Variants in C8orf58 observed in about 807,000 individuals in gnomAD.
C8orf58 encodes the protein chromosome 8 open reading frame 58, also known as uncharacterized protein C8orf58.
C8orf58 carries 31 observed loss-of-function variants against 36.8 expected under a neutral mutation model. The ratio of observed to expected loss-of-function variants is 0.84; its 90% CI spans 0.63 to 1.14. The LOEUF is 1.14. C8orf58 is among the 50% of genes most tolerant of loss of function. The pLI, the probability that C8orf58 is intolerant of heterozygous loss-of-function variation, is 0.00. For missense variants in C8orf58, 538 were observed against 480.8 expected (o/e 1.12, Z -1.11); for synonymous variants, 230 against 200.2 (o/e 1.15, Z -1.26).
In C8orf58 at chr8:22,602,529, C is replaced by A. The variant is rs755134177; in HGVS notation, c.880-8C>A. 3 of 1,610,750 alleles carry A rather than the reference C, an allele frequency of 1.9e-6. No homozygotes were observed. In the Admixed American group the frequency reaches 5.0e-5, roughly 27 times the overall value. On this transcript the variant is annotated splice_region_variant and splice_polypyrimidine_tract_variant and intron_variant, in intron 5 of 6. Transcript: ENST00000289989. ...AGGGCTCTGGGTGACCCCTCATCCTCTGCTCAGCGGGATATCTCCCACTGG... is the reference window on the plus strand; with the variant it reads ...AGGGCTCTGGGTGACCCCTCATCCTATGCTCAGCGGGATATCTCCCACTGG...
rs1171312800 is a variant in C8orf58, at chr8:22,601,726, G to T, written c.531G>T (p.Gly177=). The T allele has an allele frequency of 1.2e-6, 2 of 1,610,150 alleles. No individual in the cohort carries two copies. Among genetic ancestry groups the T allele is most frequent in the African/African-American group, 2.7e-5 (2 of 74,828 alleles). The change falls in exon 3 of 7, where the codon GGG becomes GGT. Residue 177 remains glycine (G), a synonymous_variant. Coordinates refer to ENST00000289989, the MANE Select transcript of C8orf58 (RefSeq NM_001013842.3). ...GLEEEAVGGL[G]PGAWACLPGQ... ...ATGTCCCACAGGTGGGGGGCCTGGG[G>T]CCTGGAGCCTGGGCCTGCCTCCCCG...
chr8:22,602,572 G>C lies in C8orf58; in HGVS notation c.915G>C (p.Leu305=), dbSNP rs779121265. The change falls in exon 6 of 7, where the codon CTG becomes CTC. Residue 305 remains leucine (L), a synonymous_variant. Transcript: ENST00000289989. ...CCCACTGGGACAAGGTCAAGGTCCT[G>C]CTCAACCGGATCTGCCGGAGAAGCC... The part of the protein sequence containing the change: ...DISHWDKVKV[L]LNRICRRSHH... 6.3e-7 allele frequency: 1 copy of C among 1,592,508 alleles called. No homozygotes were observed. Among genetic ancestry groups the C allele is most frequent in the South Asian group, 1.1e-5 (1 of 88,168 alleles).
rs893988751 is a variant in C8orf58 at position 22,600,016 on chromosome 8, C to T, written c.40+256C>T. On this transcript the variant is annotated intron_variant, in intron 1 of 6. Transcript: ENST00000289989. ...CCACTTCCTCCGGCTCCGCTTCCCT[C>T]GCCTTCCCGCTCCTTCTGAGGATGT... is the stretch of plus-strand genomic sequence containing the variant. 5.0e-5 allele frequency: 17 copies of T among 337,932 alleles called. No individual in the cohort carries two copies. In the East Asian group the frequency reaches 7.5e-4, roughly 15 times the overall value. The allele number at this position is 337,932 out of a possible 1,614,324, so 20.9% of individuals were successfully genotyped here.
chr8:22,601,542 G>C (rs112501739), intron 2 of C8orf58, among the ~76,000 whole-genome samples, 170 bp from the exon 3 acceptor site: 4 of 152,212 alleles, frequency 2.6e-5, no homozygotes, highest in Non-Finnish European at 5.9e-5. Flanking sequence ...GGGCAGCTAC[G>C]GGGGCCCTTC....
intron 1 of C8orf58, 23 bp downstream of exon 1, chr8:22,599,783 G>A (rs1800797275): frequency 1.7e-6 from 2 of 1,193,054 alleles, no homozygotes; most frequent in Non-Finnish European, 2.1e-6. Flanking sequence ...CCCCCAGGCT[G>A]GCCGGGCTCC....
At position 22,602,649 on chromosome 8, in the gene C8orf58, C is replaced by T. The variant is rs1331684107; in HGVS notation, c.986+6C>T. ...CCTGATGGCTCTGACCCCAGGTGAG[C>T]CCCGTGCCCAGCCCAGGTTAGGGCA... On this transcript the variant is annotated splice_donor_region_variant and intron_variant, in intron 6 of 6. Coordinates refer to ENST00000289989, the MANE Select transcript of C8orf58 (RefSeq NM_001013842.3). 2 of 1,517,710 alleles carry T rather than the reference C, an allele frequency of 1.3e-6. No individual in the cohort carries two copies. The highest frequency in any genetic ancestry group is 1.3e-5 in the South Asian group (1 of 78,314). 94.0% of individuals were successfully genotyped at this position (1,517,710 alleles called of 1,614,324 possible).
rs754339042 is a variant in C8orf58, at chr8:22,602,563, C to A, written c.906C>A (p.Val302=). The stretch of plus-strand genomic sequence containing the variant: ...GGGATATCTCCCACTGGGACAAGGT[C>A]AAGGTCCTGCTCAACCGGATCTGCC... ...HKRDISHWDK[V]KVLLNRICRR... The change falls in exon 6 of 7, where the codon GTC becomes GTA. Residue 302 remains valine, a synonymous_variant. Coordinates refer to ENST00000289989, the MANE Select transcript of C8orf58 (RefSeq NM_001013842.3). The A allele has an allele frequency of 1.2e-6, 2 of 1,601,410 alleles. No individual in the cohort carries two copies. The highest frequency in any genetic ancestry group is 4.5e-5 in the East Asian group (2 of 44,660).
chr8:22,599,777 C>G lies in C8orf58; in HGVS notation c.40+17C>G. ...ACGGCCGGGGTGAGTCACCCACCCCCAGGCTGGCCGGGCTCCCCCCTGCCC... is the reference window on the plus strand; with the variant it reads ...ACGGCCGGGGTGAGTCACCCACCCCGAGGCTGGCCGGGCTCCCCCCTGCCC... On this transcript the variant is annotated intron_variant, in intron 1 of 6. Transcript: ENST00000289989. The G allele has an allele frequency of 8.3e-7, 1 of 1,206,222 alleles. No individual in the cohort carries two copies. Among genetic ancestry groups the G allele is most frequent in the Non-Finnish European group, 1.0e-6 (1 of 967,724 alleles). The allele number at this position is 1,206,222 out of a possible 1,614,324, so 74.7% of individuals were successfully genotyped here.
intron 1 of C8orf58, 96 bp downstream of exon 1, chr8:22,599,856 C>G (rs948475986): frequency 7.4e-6 from 4 of 541,172 alleles, no homozygotes; most frequent in Non-Finnish European, 1.1e-5. Flanking sequence ...TCTTGCCCAG[C>G]CCCGCGCACC....
chr8:22,601,815 A>T lies in C8orf58; in HGVS notation c.620A>T (p.Gln207Leu). The T allele has an allele frequency of 1.2e-6, 2 of 1,612,050 alleles. No homozygotes were observed. The highest frequency in any genetic ancestry group is 1.1e-5 in the South Asian group (1 of 91,024). Residue 207 changes from glutamine to leucine, a missense_variant, in exon 3 of 7, where the codon CAG (glutamine) becomes CTG (leucine). Transcript: ENST00000289989. ...CTGGAGCAGATGGCAAGGCTCCAGC[A>T]GCTCTACCTGCAGCTGCGGATCCAG... is the stretch of plus-strand genomic sequence containing the variant. Reference protein sequence around the residue: ...LVLEQMARLQQLYLQLRIQRP... With the variant: ...LVLEQMARLQLLYLQLRIQRP...
At position 22,601,226 on chromosome 8, in the gene C8orf58, A is replaced by G; in HGVS notation, c.385A>G (p.Thr129Ala). The change falls in exon 2 of 7, where the codon ACC becomes GCC. Residue 129 changes from threonine to alanine, a missense_variant. Coordinates refer to ENST00000289989, the MANE Select transcript of C8orf58 (RefSeq NM_001013842.3). ...GTCCCGCCGGCTCCCAACAGCTCCC[A>G]CCAGCTTGTCAGGACAACACCGCTC... is the stretch of plus-strand genomic sequence containing the variant. ...ERSRRLPTAP[T>A]SLSGQHRSLR... 1 of 1,610,184 alleles carries G rather than the reference A, an allele frequency of 6.2e-7. No homozygotes were observed. The highest frequency in any genetic ancestry group is 8.5e-7 in the Non-Finnish European group (1 of 1,178,920).
rs1374548881 is a variant in C8orf58, at chr8:22,602,553, G to C, written c.896G>C (p.Trp299Ser). Reference sequence around the variant, plus strand: ...TCTGCTCAGCGGGATATCTCCCACTGGGACAAGGTCAAGGTCCTGCTCAAC... The same window carrying C: ...TCTGCTCAGCGGGATATCTCCCACTCGGACAAGGTCAAGGTCCTGCTCAAC... ...SQGHKRDISH[W>S]DKVKVLLNRI... The change falls in exon 6 of 7, where the codon TGG (tryptophan) becomes TCG (serine). Residue 299 changes from tryptophan (W) to serine (S), a missense_variant. Trp to Ser is a radical substitution (Grantham distance 177). Transcript: ENST00000289989. The C allele has an allele frequency of 1.2e-6, 2 of 1,608,456 alleles. No homozygotes were observed. Among genetic ancestry groups the C allele is most frequent in the Non-Finnish European group, 1.7e-6 (2 of 1,176,592 alleles).
At chr8:22,602,985 C>G (rs994589427) in intron 6 of C8orf58, 2 of 600,446 alleles carry the variant, frequency 3.3e-6, no homozygotes, top group South Asian at 4.0e-5. Context: ...AGGTGGAGCA[C>G]AAAGGATTTC....
At chr8:22,602,703 TGA>T in intron 6 of C8orf58, 60 bp downstream of exon 6, 1 of 1,099,062 alleles carries the variant, frequency 9.1e-7, no homozygotes, top group East Asian at 2.4e-5. Context: ...GCCAGGATGC[TGA>T]GATTGTCATG....
rs370310157 is a variant in C8orf58, at chr8:22,601,763, C to A, written c.568C>A (p.Arg190Ser). The A allele has an allele frequency of 6.2e-7, 1 of 1,612,416 alleles. No homozygotes were observed. The highest frequency in any genetic ancestry group is 8.5e-7 in the Non-Finnish European group (1 of 1,179,810). Residue 190 changes from arginine to serine, a missense_variant, in exon 3 of 7, where the codon CGC becomes AGC. Physicochemically the swap from Arg to Ser is moderately radical, Grantham distance 110. Coordinates refer to ENST00000289989, the MANE Select transcript of C8orf58 (RefSeq NM_001013842.3). Reference protein sequence around the residue: ...AWACLPGQGLRYLEHLCLVLE... With the variant: ...AWACLPGQGLSYLEHLCLVLE... ...GGCCTGCCTCCCCGGGCAGGGTCTT[C>A]GCTATCTGGAACACCTGTGCCTGGT...
Position 22,601,295 on chromosome 8 carries a change from G to A in C8orf58, c.454G>A (p.Ala152Thr). ...GCCTGAGCGTGAAGTGCCCCTTGGA[G>A]CAGGGCAACAGGAGTCCATGGAGGC... Reference protein sequence around the residue: ...SKPEREVPLGAGQQESMEADT... With the variant: ...SKPEREVPLGTGQQESMEADT... The change falls in exon 2 of 7, where the codon GCA (alanine) becomes ACA (threonine). Residue 152 changes from alanine (A) to threonine (T), a missense_variant. Transcript: ENST00000289989. The A allele has an allele frequency of 6.2e-7, 1 of 1,607,676 alleles. No homozygotes were observed. Among genetic ancestry groups the A allele is most frequent in the Non-Finnish European group, 8.5e-7 (1 of 1,176,410 alleles).
intron 3 of C8orf58, 31 bp from the exon 4 acceptor site, chr8:22,601,941 G>C: frequency 6.5e-7 from 1 of 1,545,788 alleles, no homozygotes. Context: ...CCTCTAGCCA[G>C]GCCCTGATCA....
chr8:22,602,129 C>A (rs1295087416), intron 4 of C8orf58, 49 bp downstream of exon 4: 2 of 1,548,936 alleles, frequency 1.3e-6, no homozygotes, highest in South Asian at 1.2e-5. Context: ...GGGGTCCCAC[C>A]AGCAGGTCCT....
chr8:22,600,729 G>T (rs1800820877), intron 1 of C8orf58, among the ~76,000 whole-genome samples, 153 bp from the exon 2 acceptor site: 1 of 152,248 alleles, frequency 6.6e-6, no homozygotes, highest in Admixed American at 6.5e-5. Flanking sequence ...CTCCCAGACA[G>T]CTGGGGCCAT....
Sources: gnomAD v4.1 joint callset for allele counts (sites outside exome capture counted in the v4.1 genomes callset) on GRCh38, gnomAD v4.1.1 for gene constraint, MANE v1.5 for transcripts, NCBI Gene and HGNC (gene_info 2026-07-23, HGNC 2026-07-21) for gene names.